The following PIWIL2 variants were observed in gnomAD, a reference collection of about 807,000 sequenced individuals.
The protein encoded by PIWIL2 is piwi-like protein 2.
Under a neutral mutation model 116.5 loss-of-function variants are expected in PIWIL2, and 81 were observed. That is an observed-to-expected ratio of 0.70 (90% confidence interval 0.58 to 0.84). The LOEUF (loss-of-function observed/expected upper bound fraction) is 0.84, where lower values mean the gene tolerates loss of function less well. Ranked by LOEUF, PIWIL2 falls within the 40% of genes least tolerant of loss-of-function variation. PIWIL2 has a pLI of 0.00. For missense variants in PIWIL2, 1,272 were observed against 1,212.3 expected, an observed-to-expected ratio of 1.05 and a Z score of -0.73; for synonymous variants, 489 against 429.5, an observed-to-expected ratio of 1.14 and a Z score of -1.71.
At chr8:22,307,248 C>G (rs577038609) in intron 13 of PIWIL2, among the ~76,000 whole-genome samples, 1 of 151,730 alleles carries the variant, frequency 6.6e-6, no homozygotes, top group East Asian at 1.9e-4. Context: ...TCTCAAATTC[C>G]TGGGCTCAAG....
rs1832098536 is a variant in PIWIL2, at chr8:22,341,120, T to G, written c.2404-11839T>G. 2.0e-5 allele frequency among the ~76,000 whole-genome samples: 3 copies of G among 152,114 alleles called. 1 individual carries two copies. The South Asian group carries it at 6.2e-4, about 32-fold the overall frequency. Reference sequence around the variant, plus strand: ...TTGAGCCACCCAGTTCATGGTACTTTGTTACAGCAGCCCTAGGAAACTAGT... The same window carrying G: ...TTGAGCCACCCAGTTCATGGTACTTGGTTACAGCAGCCCTAGGAAACTAGT... On this transcript the variant is annotated intron_variant, in intron 20 of 22. Coordinates refer to ENST00000356766, the MANE Select transcript of PIWIL2 (RefSeq NM_018068.5).
chr8:22,302,552 C>T (rs568219802), intron 10 of PIWIL2, among the ~76,000 whole-genome samples: 19 of 152,088 alleles, frequency 1.2e-4, no homozygotes, highest in African/African-American at 3.9e-4. Context: ...CTGTGGCGTG[C>T]GGCTGCTGAT....
intron 6 of PIWIL2, among the ~76,000 whole-genome samples, chr8:22,287,090 A>C (rs1487604921): frequency 6.6e-6 from 1 of 152,072 alleles, no homozygotes; most frequent in Non-Finnish European, 1.5e-5. Context: ...ATCTCAAAAA[A>C]AAAAAGGGAG....
Position 22,314,449 on chromosome 8 carries a change from G to T in PIWIL2, c.2091+20G>T. The T allele has an allele frequency of 7.1e-7, 1 of 1,402,100 alleles. No individual in the cohort carries two copies. The highest frequency in any genetic ancestry group is 9.8e-7 in the Non-Finnish European group (1 of 1,021,492). The allele number at this position is 1,402,100 out of a possible 1,614,324, so 86.9% of individuals were successfully genotyped here. A position where few individuals can be genotyped will look rare whatever the true frequency, so the allele number is the denominator to read the frequency against. On this transcript the variant is annotated intron_variant, in intron 17 of 22. Transcript: ENST00000356766. ...TCCCAGGTGAGTGGGTGTTGGGGCA[G>T]GAGGCGCAGATGGCACCTCTCGCCT...
At position 22,343,448 on chromosome 8, in the gene PIWIL2, AT is replaced by A. The variant is rs386723453; in HGVS notation, c.2404-9509del. 5.1e-4 allele frequency among the ~76,000 whole-genome samples: 77 copies of A among 151,914 alleles called. 1 individual carries two copies. Among genetic ancestry groups the A allele is most frequent in the Admixed American group, 5.1e-3 (77 of 15,242 alleles). On this transcript the variant is annotated intron_variant, in intron 20 of 22. Transcript: ENST00000356766. ...GAAACTCCATCTCAAAAAAAAAAAA[AT>A]TAGCTGGGCATGGTGGCGCATGCCT...
At chr8:22,353,318 T>C (rs940827841) in intron 21 of PIWIL2, 106 bp downstream of exon 21, 118 of 962,280 alleles carry the variant, frequency 1.2e-4, no homozygotes, top group Non-Finnish European at 1.7e-4. Context: ...TGGACTAGAA[T>C]CTCAGAGAGG....
chr8:22,312,626 T>G (rs1383783792), intron 16 of PIWIL2, among the ~76,000 whole-genome samples: 2 of 152,112 alleles, frequency 1.3e-5, no homozygotes, highest in Non-Finnish European at 2.9e-5. Context: ...CTTGTGTTCT[T>G]TCTTTGGTGT....
intron 20 of PIWIL2, among the ~76,000 whole-genome samples, chr8:22,345,071 TTAAAGA>T (rs1261224973): frequency 6.6e-6 from 1 of 152,218 alleles, no homozygotes; most frequent in Non-Finnish European, 1.5e-5. Context: ...CCAGCTACTC[TTAAAGA>T]TAAGGTGGAA....
intron 9 of PIWIL2, 33 bp downstream of exon 9, chr8:22,289,960 A>G (rs1830721929): frequency 5.0e-6 from 7 of 1,397,012 alleles, no homozygotes; most frequent in Non-Finnish European, 6.1e-6. Context: ...TCACTTTTGA[A>G]TGTTCTGGAA....
At chr8:22,290,613 ATTTTTTTT>A (rs34573190) in intron 10 of PIWIL2, among the ~76,000 whole-genome samples, 2 of 114,098 alleles carry the variant, frequency 1.8e-5, no homozygotes, top group East Asian at 2.6e-4. Context: ...CCAATTTTTA[ATTTTTTTT>A]TTTTTTTTTT....
In PIWIL2 at chr8:22,310,053, C is replaced by G; in HGVS notation, c.1779C>G (p.Thr593=). 1 of 1,591,102 alleles carries G rather than the reference C, an allele frequency of 6.3e-7. No individual in the cohort carries two copies. The highest frequency in any genetic ancestry group is 8.6e-7 in the Non-Finnish European group (1 of 1,159,170). Residue 593 remains threonine (T), a synonymous_variant, in exon 15 of 23, where the codon ACC becomes ACG. Transcript: ENST00000356766. ...AACTAAACTGGGTTAAGGAAGTAACCAGAGACCCTTCCATCTTGACTGTAA... is the reference window on the plus strand; with the variant it reads ...AACTAAACTGGGTTAAGGAAGTAACGAGAGACCCTTCCATCTTGACTGTAA... ...SQELNWVKEV[T]RDPSILTIPM... is the part of the protein sequence containing the mutation.
intron 20 of PIWIL2, among the ~76,000 whole-genome samples, chr8:22,345,883 C>T (rs1466514577): frequency 6.6e-6 from 1 of 152,100 alleles, no homozygotes; most frequent in Non-Finnish European, 1.5e-5. Context: ...TATAGTCCAA[C>T]CCATGGAGAC....
At chr8:22,338,634 G>C (rs1055714711) in intron 20 of PIWIL2, among the ~76,000 whole-genome samples, 1 of 152,020 alleles carries the variant, frequency 6.6e-6, no homozygotes, top group South Asian at 2.1e-4. Context: ...AGAGGTTGCT[G>C]TGAGCCAACA....
chr8:22,322,197 T>C (rs1831614059), intron 20 of PIWIL2, among the ~76,000 whole-genome samples: 1 of 152,088 alleles, frequency 6.6e-6, no homozygotes, highest in Non-Finnish European at 1.5e-5. Context: ...AATAGTTGAT[T>C]TTGCTCTTCT....
chr8:22,355,263 A>G (rs1832463448), intron 22 of PIWIL2, 86 bp from the exon 23 acceptor site: 1 of 1,334,802 alleles, frequency 7.5e-7, no homozygotes, highest in Non-Finnish European at 1.1e-6. Flanking sequence ...GCTCTGTGTC[A>G]TATCCCCGTG....
In PIWIL2 at chr8:22,288,641, C is replaced by A; in HGVS notation, c.961C>A (p.Pro321Thr). 6.2e-7 allele frequency: 1 copy of A among 1,612,570 alleles called. No individual in the cohort carries two copies. The highest frequency in any genetic ancestry group is 8.5e-7 in the Non-Finnish European group (1 of 1,179,038). The change falls in exon 8 of 23, where the codon CCC becomes ACC. Residue 321 changes from proline (P) to threonine (T), a missense_variant. Coordinates refer to ENST00000356766, the MANE Select transcript of PIWIL2 (RefSeq NM_018068.5). ...ILEPCSDLCIPFYNVVFRRVM... is the reference protein window; with the variant it reads ...ILEPCSDLCITFYNVVFRRVM... ...GGAGCCCTGCTCTGACCTGTGCATTCCCTTCTACAATGTTGTTTTCCGTCG... is the reference window on the plus strand; with the variant it reads ...GGAGCCCTGCTCTGACCTGTGCATTACCTTCTACAATGTTGTTTTCCGTCG...
intron 4 of PIWIL2, among the ~76,000 whole-genome samples, chr8:22,282,454 C>G (rs1027584677): frequency 2.0e-5 from 3 of 152,022 alleles, no homozygotes; most frequent in Non-Finnish European, 4.4e-5. Context: ...TCCCAGAGAG[C>G]TGGGATTATA....
Position 22,275,358 on chromosome 8 carries a change from C to G in PIWIL2, c.-87C>G, listed in dbSNP as rs1274755650. 6.6e-6 allele frequency: 1 copy of G among 152,586 alleles called. No homozygotes were observed. The highest frequency in any genetic ancestry group is 1.5e-5 in the Non-Finnish European group (1 of 68,346). The allele number at this position is 152,586 out of a possible 1,614,324, so 9.5% of individuals were successfully genotyped here. A position where few individuals can be genotyped will look rare whatever the true frequency, so the allele number is the denominator to read the frequency against. On this transcript the variant is annotated 5_prime_UTR_variant, in exon 1 of 23. Transcript: ENST00000356766. Reference sequence around the variant, plus strand: ...GGTTGAGCTCGGTCTTCCCCTGAGGCCGCGCGGAGCTGGGCGACTGGGGCG... The same window carrying G: ...GGTTGAGCTCGGTCTTCCCCTGAGGGCGCGCGGAGCTGGGCGACTGGGGCG...
At chr8:22,319,024 G>A (rs1831534145) in intron 20 of PIWIL2, among the ~76,000 whole-genome samples, 1 of 152,154 alleles carries the variant, frequency 6.6e-6, no homozygotes, top group South Asian at 2.1e-4. Context: ...TAACCATGGA[G>A]GATTGCTATA....
Sources: gnomAD v4.1 joint callset for allele counts (sites outside exome capture counted in the v4.1 genomes callset) on GRCh38, gnomAD v4.1.1 for gene constraint, MANE v1.5 for transcripts, NCBI Gene and HGNC (gene_info 2026-07-23, HGNC 2026-07-21) for gene names.